The following ATP9B variants were observed in gnomAD, a reference collection of about 807,000 sequenced individuals.
The protein encoded by ATP9B is probable phospholipid-transporting ATPase IIB.
Under a neutral mutation model 146.1 loss-of-function variants are expected in ATP9B, and 110 were observed. That is an observed-to-expected ratio of 0.75 (90% CI 0.65 to 0.88). ATP9B has a LOEUF of 0.88. Ranked by LOEUF, ATP9B falls within the 40% of genes least tolerant of loss-of-function variation. The pLI, the probability that ATP9B is intolerant of heterozygous loss-of-function variation, is 0.00. For missense variants in ATP9B, 1,499 were observed against 1,496.4 expected, an observed-to-expected ratio of 1.00 and a Z score of -0.03; for synonymous variants, 604 against 569.7, an observed-to-expected ratio of 1.06 and a Z score of -0.86.
At chr18:79,188,866 A>G (rs1418753393) in intron 8 of ATP9B, among the ~76,000 whole-genome samples, 1 of 142,652 alleles carries the variant, frequency 7.0e-6, no homozygotes, top group Non-Finnish European at 1.5e-5. Flanking sequence ...TTAGAATACT[A>G]TTTTATCTCT....
intron 25 of ATP9B, among the ~76,000 whole-genome samples, chr18:79,349,265 G>GC (rs1422753669): frequency 2.0e-5 from 3 of 152,196 alleles, no homozygotes; most frequent in Non-Finnish European, 4.4e-5. Flanking sequence ...ACCTTAACCA[G>GC]GTTCCACTCC....
At chr18:79,125,298 G>A (rs493247) in intron 4 of ATP9B, among the ~76,000 whole-genome samples, 9,230 of 152,126 alleles carry the variant, frequency 0.061, 354 homozygotes, top group Non-Finnish European at 0.092. Context: ...AGGAGTGAGA[G>A]ACACAGGCTG....
intron 11 of ATP9B, among the ~76,000 whole-genome samples, chr18:79,230,639 C>G (rs2095782230): frequency 1.3e-5 from 2 of 151,996 alleles, no homozygotes; most frequent in South Asian, 2.1e-4. Context: ...TTAAAATGAC[C>G]ATGCTGCCAA....
chr18:79,336,847 A>ATCACCCCATGCTCCT, intron 18 of ATP9B, 136 bp downstream of exon 18: 3 of 831,760 alleles, frequency 3.6e-6, no homozygotes, highest in South Asian at 1.7e-5. Context: ...GCTCAGCAGG[A>ATCACCCCATGCTCCT]GCATGGGGTG....
At chr18:79,148,987 A>G (rs1287348069) in intron 6 of ATP9B, among the ~76,000 whole-genome samples, 1 of 152,116 alleles carries the variant, frequency 6.6e-6, no homozygotes, top group African/African-American at 2.4e-5. Context: ...AATGAAATCT[A>G]TGCTGAAACT....
In ATP9B at chr18:79,374,059, G is replaced by A; in HGVS notation, c.3232G>A (p.Gly1078Ser). 1 of 1,614,204 alleles carries A rather than the reference G, an allele frequency of 6.2e-7. No individual in the cohort carries two copies. Among genetic ancestry groups the A allele is most frequent in the Non-Finnish European group, 8.5e-7 (1 of 1,180,030 alleles). ...LMVVAEFLSLGCYVSSLAFLN... is the reference protein window; with the variant it reads ...LMVVAEFLSLSCYVSSLAFLN... ...GGTGGTGGCCGAGTTCCTCAGCTTA[G>A]GCTGCTACGTGTCCTCACTCGCTTT... is the stretch of plus-strand genomic sequence containing the variant. The change falls in exon 28 of 30, where the codon GGC becomes AGC. Residue 1078 changes from glycine (G) to serine (S), a missense_variant. Physicochemically the swap from Gly to Ser is moderately conservative, Grantham distance 56. Transcript: ENST00000426216.
chr18:79,215,730 C>A (rs1233059638), intron 11 of ATP9B, among the ~76,000 whole-genome samples: 2 of 152,014 alleles, frequency 1.3e-5, no homozygotes, highest in Non-Finnish European at 2.9e-5. Context: ...CACTGTGTCA[C>A]CCAGGCTGGA....
intron 5 of ATP9B, among the ~76,000 whole-genome samples, chr18:79,128,707 G>T (rs1001152454): frequency 1.3e-5 from 2 of 152,112 alleles, no homozygotes; most frequent in Non-Finnish European, 2.9e-5. Flanking sequence ...TGTATTAATT[G>T]TATTATTCAG....
At chr18:79,287,087 GT>G (rs1371101270) in intron 13 of ATP9B, among the ~76,000 whole-genome samples, 1 of 152,108 alleles carries the variant, frequency 6.6e-6, no homozygotes, top group Non-Finnish European at 1.5e-5. Context: ...CTCTTTTTTG[GT>G]TGTGTCTCTG....
At chr18:79,327,092 A>G (rs2096751703) in intron 15 of ATP9B, among the ~76,000 whole-genome samples, 1 of 152,248 alleles carries the variant, frequency 6.6e-6, no homozygotes, top group African/African-American at 2.4e-5. Context: ...GTGTGAACTC[A>G]TCCTCACAGG....
intron 15 of ATP9B, among the ~76,000 whole-genome samples, chr18:79,320,707 C>G (rs1599943119): frequency 1.3e-5 from 2 of 152,162 alleles, no homozygotes; most frequent in African/African-American, 4.8e-5. Context: ...CCACCCCCCT[C>G]CAGCCCTCGT....
At chr18:79,172,119 C>T (rs1046750425) in intron 7 of ATP9B, among the ~76,000 whole-genome samples, 4 of 152,232 alleles carry the variant, frequency 2.6e-5, no homozygotes, top group African/African-American at 9.6e-5. Flanking sequence ...GAGCTCCTGA[C>T]CTCATGATCC....
intron 13 of ATP9B, among the ~76,000 whole-genome samples, chr18:79,290,052 C>T (rs575734053): frequency 8.3e-4 from 126 of 152,204 alleles, no homozygotes; most frequent in African/African-American, 2.7e-3. Context: ...TTAGGCTGCT[C>T]GGGGGTCAGG....
chr18:79,303,776 G>C (rs908968469), intron 14 of ATP9B, 60 bp downstream of exon 14: 10 of 1,245,726 alleles, frequency 8.0e-6, no homozygotes, highest in Non-Finnish European at 1.2e-5. Flanking sequence ...CATGAGTCCA[G>C]CTGAGCCTCG....
At chr18:79,110,552 T>C (rs2075938731) in intron 3 of ATP9B, 47 bp downstream of exon 3, 4 of 1,556,480 alleles carry the variant, frequency 2.6e-6, no homozygotes, top group Admixed American at 1.8e-5. Flanking sequence ...CAGAGATTGC[T>C]GGCTTCCTTT....
At chr18:79,236,168 T>C (rs1459883043) in intron 11 of ATP9B, among the ~76,000 whole-genome samples, 1 of 152,224 alleles carries the variant, frequency 6.6e-6, no homozygotes, top group Admixed American at 6.5e-5. Flanking sequence ...TATCTTACGT[T>C]ATTTTAATTT....
At chr18:79,084,661 T>G (rs550205967) in intron 1 of ATP9B, among the ~76,000 whole-genome samples, 2 of 152,358 alleles carry the variant, frequency 1.3e-5, no homozygotes, top group South Asian at 2.1e-4. Context: ...AGCTTTCATA[T>G]GAGCTTTACA....
chr18:79,225,572 G>A (rs111745931), intron 11 of ATP9B, among the ~76,000 whole-genome samples: 3 of 152,044 alleles, frequency 2.0e-5, no homozygotes, highest in Admixed American at 1.3e-4. Flanking sequence ...TGTCTTCAGC[G>A]TCTGAGTGAC....
chr18:79,122,035 G>A (rs1368010749), intron 4 of ATP9B, among the ~76,000 whole-genome samples: 1 of 152,132 alleles, frequency 6.6e-6, no homozygotes, highest in African/African-American at 2.4e-5. Flanking sequence ...GAGTCACCTG[G>A]AGAGTTTAAC....
Sources: gnomAD v4.1 joint callset for allele counts (sites outside exome capture counted in the v4.1 genomes callset) on GRCh38, gnomAD v4.1.1 for gene constraint, MANE v1.5 for transcripts, NCBI Gene and HGNC (gene_info 2026-07-23, HGNC 2026-07-21) for gene names.